NPLOC4: variants seen among roughly 807,000 people sequenced by gnomAD.
NPLOC4 encodes nuclear protein localization protein 4 homolog.
A neutral mutation model predicts 80.6 loss-of-function variants in NPLOC4; 18 were observed. The ratio of observed to expected loss-of-function variants is 0.22; its 90% CI spans 0.15 to 0.33. The LOEUF is 0.33. Ranked by LOEUF, NPLOC4 falls within the 10% of genes least tolerant of loss-of-function variation. NPLOC4 has a pLI of 1.00. For missense variants in NPLOC4, 540 were observed against 786.1 expected (o/e 0.69, Z 3.74); for synonymous variants, 313 against 301.5 (o/e 1.04, Z -0.39).
intron 8 of NPLOC4, among the ~76,000 whole-genome samples, chr17:81,601,937 C>T (rs2035066262): frequency 6.6e-6 from 1 of 152,176 alleles, no homozygotes; most frequent in Admixed American, 6.5e-5. Context: ...CAGGGCACCC[C>T]AGCCTGCCTC....
At position 81,613,393 on chromosome 17, in the gene NPLOC4, T is replaced by A; in HGVS notation, c.311A>T (p.Asn104Ile). Residue 104 changes from asparagine to isoleucine, a missense_variant, in exon 4 of 17, where the codon AAC becomes ATC. Asn to Ile is a moderately radical substitution (Grantham distance 149). Coordinates refer to ENST00000331134, the MANE Select transcript of NPLOC4 (RefSeq NM_017921.4). The stretch of plus-strand genomic sequence containing the variant: ...CTGATCAATCTCATCCTCCACCACG[T>A]TGGGAGCGCCAAAGACTTTGAAGCC... ...PPGFKVFGAP[N>I]VVEDEIDQYL... The A allele has an allele frequency of 1.2e-6, 2 of 1,613,926 alleles. No individual in the cohort carries two copies. The highest frequency in any genetic ancestry group is 1.6e-4 in the Middle Eastern group (1 of 6,062).
At position 81,597,292 on chromosome 17, in the gene NPLOC4, C is replaced by T. The variant is rs552390573; in HGVS notation, c.946G>A (p.Val316Ile). ...RKVGWIFTDLVSEDTRKGTVR... is the reference protein window; with the variant it reads ...RKVGWIFTDLISEDTRKGTVR... The stretch of plus-strand genomic sequence containing the variant: ...GTACCCTTTCGGGTATCTTCTGAGA[C>T]GAGGTCTGTAAATATCCAGCCAACC... The change falls in exon 10 of 17, where the codon GTC becomes ATC. Residue 316 changes from valine (V) to isoleucine (I), a missense_variant. This residue lies in a region of NPLOC4 where 251 missense variants were observed against 377.5 expected (regional missense o/e 0.66). Transcript: ENST00000331134. The T allele has an allele frequency of 1.2e-5, 19 of 1,613,412 alleles. No homozygotes were observed. Among genetic ancestry groups the T allele is most frequent in the South Asian group, 8.8e-5 (8 of 91,060 alleles).
At chr17:81,575,454 C>T (rs996120455) in intron 12 of NPLOC4, among the ~76,000 whole-genome samples, 6 of 152,166 alleles carry the variant, frequency 3.9e-5, no homozygotes, top group African/African-American at 7.2e-5. Flanking sequence ...CCGTGTGCAA[C>T]GACTGGATGC....
chr17:81,574,023 G>A (rs2034228304), intron 12 of NPLOC4, among the ~76,000 whole-genome samples: 2 of 152,252 alleles, frequency 1.3e-5, no homozygotes, highest in African/African-American at 4.8e-5. Context: ...CTACTGCACG[G>A]GGTCCTGGGG....
rs544613670 is a variant in NPLOC4, at chr17:81,558,673, C to A, written c.*586G>T. The A allele has an allele frequency of 6.6e-6, 1 of 152,284 alleles. No individual in the cohort carries two copies. Among genetic ancestry groups the A allele is most frequent in the Non-Finnish European group, 1.5e-5 (1 of 68,132 alleles). The allele number at this position is 152,284 out of a possible 1,614,324, so 9.4% of individuals were successfully genotyped here. On this transcript the variant is annotated 3_prime_UTR_variant, in exon 17 of 17. Coordinates refer to ENST00000331134, the MANE Select transcript of NPLOC4 (RefSeq NM_017921.4). ...AGACTTTAAAATCCCACCTGGACAT[C>A]GGGTGAGAGGAGGAGGGCAGGCAGC...
intron 11 of NPLOC4, among the ~76,000 whole-genome samples, chr17:81,593,515 G>A (rs2034806096): frequency 6.6e-6 from 1 of 151,904 alleles, no homozygotes; most frequent in East Asian, 1.9e-4. Flanking sequence ...TCAGAATTCT[G>A]TGTGTCGGCA....
chr17:81,591,312 G>A (rs1288136825), intron 11 of NPLOC4, among the ~76,000 whole-genome samples: 1 of 151,926 alleles, frequency 6.6e-6, no homozygotes, highest in Non-Finnish European at 1.5e-5. Flanking sequence ...GCGTGCACCT[G>A]TAATCCCAGC....
chr17:81,580,933 G>A lies in NPLOC4; in HGVS notation c.1281+8011C>T, dbSNP rs1467918681. Reference sequence around the variant, plus strand: ...GGGCCAGCCTCCCATGCCCACAGCTGGGGGCCTGGGAGAGACATGGCATGG... The same window carrying A: ...GGGCCAGCCTCCCATGCCCACAGCTAGGGGCCTGGGAGAGACATGGCATGG... On this transcript the variant is annotated intron_variant, in intron 12 of 16. Transcript: ENST00000331134. This position sits in a 1 kb window ranked among gnomAD's most constrained non-coding sequence, Gnocchi z 4.4. 2.6e-5 allele frequency among the ~76,000 whole-genome samples: 4 copies of A among 152,204 alleles called. No homozygotes were observed. The highest frequency in any genetic ancestry group is 5.9e-5 in the Non-Finnish European group (4 of 68,026).
intron 11 of NPLOC4, among the ~76,000 whole-genome samples, chr17:81,590,897 C>T (rs1357402556): frequency 6.6e-6 from 1 of 152,198 alleles, no homozygotes; most frequent in African/African-American, 2.4e-5. Context: ...GGGTCAAACT[C>T]GCTCCAAAGG....
intron 1 of NPLOC4, among the ~76,000 whole-genome samples, chr17:81,635,202 G>A (rs1010281500): frequency 5.9e-5 from 9 of 151,856 alleles, no homozygotes; most frequent in African/African-American, 1.2e-4. Context: ...CATCAGCCAT[G>A]CGTGTTGGCG....
Position 81,608,898 on chromosome 17 carries a change from A to T in NPLOC4, c.436-76T>A, listed in dbSNP as rs560522783. ...CAGGCGCTGAGCCTCTGCTACGCACAGGGGGAGGCCAGCAGCATGGCCTTG... is the reference window on the plus strand; with the variant it reads ...CAGGCGCTGAGCCTCTGCTACGCACTGGGGGAGGCCAGCAGCATGGCCTTG... On this transcript the variant is annotated intron_variant, in intron 5 of 16. Coordinates refer to ENST00000331134, the MANE Select transcript of NPLOC4 (RefSeq NM_017921.4). 1.1e-5 allele frequency: 13 copies of T among 1,163,678 alleles called. No homozygotes were observed. The Admixed American group carries it at 2.0e-4, about 18-fold the overall frequency. The allele number at this position is 1,163,678 out of a possible 1,614,324, so 72.1% of individuals were successfully genotyped here.
chr17:81,562,193 T>C (rs866846562), intron 16 of NPLOC4: 1 of 152,058 alleles, frequency 6.6e-6, no homozygotes, highest in African/African-American at 2.4e-5. Flanking sequence ...GATCATGAGA[T>C]TGCACTGCAG....
chr17:81,621,103 G>C (rs140230927), intron 3 of NPLOC4, among the ~76,000 whole-genome samples: 2,266 of 143,632 alleles, frequency 0.016, 28 homozygotes, highest in South Asian at 0.028. Context: ...AAGAAAGAAA[G>C]AAAAGGAAAG....
At position 81,604,686 on chromosome 17, in the gene NPLOC4, G is replaced by T; in HGVS notation, c.696C>A (p.Thr232=). ...AGAAGTCAAGAAAGCGGTCAGCGAC[G>T]GTGTGATTCTCAAACATGATATTGT... ...HVDNIMFENH[T]VADRFLDFWR... is the part of the protein sequence containing the mutation. The change falls in exon 8 of 17, where the codon ACC becomes ACA. Residue 232 remains threonine (T), a synonymous_variant. Transcript: ENST00000331134. The T allele has an allele frequency of 6.2e-7, 1 of 1,613,670 alleles. No individual in the cohort carries two copies. The highest frequency in any genetic ancestry group is 8.5e-7 in the Non-Finnish European group (1 of 1,179,736).
At chr17:81,573,441 G>A (rs1473567788) in intron 12 of NPLOC4, 1 of 151,748 alleles carries the variant, frequency 6.6e-6, no homozygotes, top group African/African-American at 2.4e-5. Flanking sequence ...AGAAGCCCCA[G>A]GCCCCCATTT....
At chr17:81,600,244 A>C (rs28521104) in intron 9 of NPLOC4, 97 bp downstream of exon 9, 101,926 of 804,544 alleles carry the variant, frequency 0.13, 7,571 homozygotes, top group Admixed American at 0.27. Context: ...GAGAGCCAGT[A>C]CCCGACACAG....
chr17:81,560,088 C>A (rs1469853682), intron 16 of NPLOC4, among the ~76,000 whole-genome samples: 1 of 151,916 alleles, frequency 6.6e-6, no homozygotes, highest in Non-Finnish European at 1.5e-5. Context: ...TCTACAATTT[C>A]TTTGTGGACC....
At chr17:81,604,827 C>G in intron 7 of NPLOC4, 100 bp from the exon 8 acceptor site, 1 of 1,106,666 alleles carries the variant, frequency 9.0e-7, no homozygotes, top group Non-Finnish European at 1.3e-6. Flanking sequence ...TTACCTAGTT[C>G]TTTAAAAAAC....
chr17:81,585,476 A>C (rs1362459459), intron 12 of NPLOC4, among the ~76,000 whole-genome samples: 1 of 152,016 alleles, frequency 6.6e-6, no homozygotes, highest in African/African-American at 2.4e-5. Context: ...ATCCTGGCCA[A>C]CATGGTGAAA....
Sources: gnomAD v4.1 joint callset for allele counts (sites outside exome capture counted in the v4.1 genomes callset) on GRCh38, gnomAD v4.1.1 for gene constraint, gnomAD v4.1.1 regional missense constraint, Gnocchi (gnomAD v3.1) non-coding constraint, MANE v1.5 for transcripts, NCBI Gene and HGNC (gene_info 2026-07-23, HGNC 2026-07-21) for gene names.